SLC44A4: variants seen among roughly 807,000 people sequenced by gnomAD.
SLC44A4 encodes solute carrier family 44 member 4, also known as choline transporter-like protein 4.
Under a neutral mutation model 97.0 loss-of-function variants are expected in SLC44A4, and 74 were observed. That is an observed-to-expected ratio of 0.76 (90% CI 0.63 to 0.93). SLC44A4 has a LOEUF of 0.93. SLC44A4 is among the 40% of genes least tolerant of loss of function. The pLI, the probability that SLC44A4 is intolerant of heterozygous loss-of-function variation, is 0.00. For synonymous variants in SLC44A4, 325 were observed against 363.8 expected (o/e 0.89, Z 1.21); for missense variants, 799 against 902.9 (o/e 0.88, Z 1.48).
rs550779297 is a variant in SLC44A4 at position 31,869,348 on chromosome 6, G to A, written c.1131-91C>T. On this transcript the variant is annotated intron_variant, in intron 12 of 20. Coordinates refer to ENST00000229729, the MANE Select transcript of SLC44A4 (RefSeq NM_025257.3). Reference sequence around the variant, plus strand: ...CTGTTCCTAGGTGCTTGTGCAGATCGTTTGCTGCACAGAGAGGGCTGAAAT... The same window carrying A: ...CTGTTCCTAGGTGCTTGTGCAGATCATTTGCTGCACAGAGAGGGCTGAAAT... The A allele has an allele frequency of 2.8e-5, 30 of 1,080,634 alleles. No individual in the cohort carries two copies. In the Admixed American group the frequency reaches 3.0e-4, roughly 11 times the overall value. The allele number at this position is 1,080,634 out of a possible 1,614,324, so 66.9% of individuals were successfully genotyped here. A position where few individuals can be genotyped will look rare whatever the true frequency, so the allele number is the denominator to read the frequency against.
Position 31,874,617 on chromosome 6 carries a change from C to T in SLC44A4, c.469-97G>A. ...CATGGGGCTCAGCCTGTCCCACACT[C>T]CCCAGGAGAGCCAACCTGGTGATGA... On this transcript the variant is annotated intron_variant, in intron 6 of 20. Coordinates refer to ENST00000229729, the MANE Select transcript of SLC44A4 (RefSeq NM_025257.3). This position sits in a 1 kb window ranked among gnomAD's most constrained non-coding sequence, Gnocchi z 4.8. The T allele has an allele frequency of 6.4e-7, 1 of 1,563,740 alleles. No homozygotes were observed. The highest frequency in any genetic ancestry group is 8.7e-7 in the Non-Finnish European group (1 of 1,154,630).
Position 31,869,559 on chromosome 6 carries a change from C to G in SLC44A4, c.1116G>C (p.Trp372Cys). ...GCAGAGGATACAGAGCAGTCATGGC[C>G]CAGTAGGCAATGCAGATGAGGAGGA... ...FVLLLICIAY[W>C]AMTALYLATS... is the part of the protein sequence containing the mutation. Residue 372 changes from tryptophan to cysteine, a missense_variant, in exon 12 of 21, where the codon TGG becomes TGC. Coordinates refer to ENST00000229729, the MANE Select transcript of SLC44A4 (RefSeq NM_025257.3). The G allele has an allele frequency of 6.2e-7, 1 of 1,604,064 alleles. No individual in the cohort carries two copies. The highest frequency in any genetic ancestry group is 8.5e-7 in the Non-Finnish European group (1 of 1,176,072).
intron 13 of SLC44A4, among the ~76,000 whole-genome samples, chr6:31,867,908 C>T (rs1270578023): frequency 6.6e-6 from 1 of 151,226 alleles, no homozygotes; most frequent in Non-Finnish European, 1.5e-5. Flanking sequence ...ACCTCCGCCT[C>T]CCGAGTTCAA....
Position 31,875,932 on chromosome 6 carries a change from T to G in SLC44A4, c.164-2A>C. ...GCCGGGGGTCTCCATACAACCAGGC[T>G]GCAGACAGAGGCACAGATGAGTCAT... On this transcript the variant is annotated splice_acceptor_variant, in intron 3 of 20. Coordinates refer to ENST00000229729, the MANE Select transcript of SLC44A4 (RefSeq NM_025257.3). LOFTEE classifies it high-confidence loss of function. 1 of 1,613,980 alleles carries G rather than the reference T, an allele frequency of 6.2e-7. No individual in the cohort carries two copies. Among genetic ancestry groups the G allele is most frequent in the Non-Finnish European group, 8.5e-7 (1 of 1,179,976 alleles).
intron 13 of SLC44A4, among the ~76,000 whole-genome samples, chr6:31,867,385 G>C (rs74290525): frequency 1.3e-5 from 2 of 151,734 alleles, no homozygotes. Context: ...GAGCCACTGC[G>C]CGCGGCCTTC....
rs745870866 is a variant in SLC44A4, at chr6:31,865,300, G to A, written c.1760+15C>T. The A allele has an allele frequency of 7.4e-6, 12 of 1,613,948 alleles. No homozygotes were observed. The highest frequency in any genetic ancestry group is 1.0e-5 in the Non-Finnish European group (12 of 1,179,950). ...CAGAGGAGGGAGCCACAAAGCGGGG[G>A]GGGAGCAGCCTAACCTGACAATGTT... is the stretch of plus-strand genomic sequence containing the variant. On this transcript the variant is annotated intron_variant, in intron 17 of 20. Transcript: ENST00000229729. The surrounding 1 kb of genome is among the most constrained non-coding windows in gnomAD (Gnocchi z 5.2).
intron 11 of SLC44A4, among the ~76,000 whole-genome samples, chr6:31,870,284 CG>C (rs1763086470): frequency 6.6e-6 from 1 of 152,098 alleles, no homozygotes; most frequent in South Asian, 2.1e-4. Flanking sequence ...AGTTCCTGAT[CG>C]GGAGCAAGCT....
rs1763537659 is a variant in SLC44A4 at position 31,877,989 on chromosome 6, T to C, written c.41-907A>G. ...GGAGTCCTCACTGCCTGCTCCCCTATGGCCCTAAGGGACTCAAGCCTCTCC... is the reference window on the plus strand; with the variant it reads ...GGAGTCCTCACTGCCTGCTCCCCTACGGCCCTAAGGGACTCAAGCCTCTCC... On this transcript the variant is annotated intron_variant, in intron 1 of 20. Transcript: ENST00000229729. This position sits in a 1 kb window ranked among gnomAD's most constrained non-coding sequence, Gnocchi z 6.5. 1.3e-5 allele frequency: 2 copies of C among 152,148 alleles called. No individual in the cohort carries two copies. The highest frequency in any genetic ancestry group is 1.3e-4 in the Admixed American group (2 of 15,276). 9.4% of individuals were successfully genotyped at this position (152,148 alleles called of 1,614,324 possible). A position where few individuals can be genotyped will look rare whatever the true frequency, so the allele number is the denominator to read the frequency against.
intron 13 of SLC44A4, among the ~76,000 whole-genome samples, chr6:31,866,914 G>T (rs1762901090): frequency 6.6e-6 from 1 of 151,518 alleles, no homozygotes; most frequent in Admixed American, 6.6e-5. Context: ...AAAAATTATA[G>T]GTGAGGATAT....
intron 20 of SLC44A4, 72 bp from the exon 21 acceptor site, chr6:31,863,820 T>C: frequency 6.3e-7 from 1 of 1,594,872 alleles, no homozygotes; most frequent in Non-Finnish European, 8.5e-7. Context: ...GCAAGCTGCC[T>C]GCGGGATTTG....
chr6:31,877,155 C>T lies in SLC44A4; in HGVS notation c.41-73G>A. On this transcript the variant is annotated intron_variant, in intron 1 of 20. Coordinates refer to ENST00000229729, the MANE Select transcript of SLC44A4 (RefSeq NM_025257.3). This position sits in a 1 kb window ranked among gnomAD's most constrained non-coding sequence, Gnocchi z 6.5. ...TCTTGTCCTGCTGAGTCCTCCTAGCCCCAGGATCCTACCCAGGCCTCAGGT... is the reference window on the plus strand; with the variant it reads ...TCTTGTCCTGCTGAGTCCTCCTAGCTCCAGGATCCTACCCAGGCCTCAGGT... 1 of 1,489,880 alleles carries T rather than the reference C, an allele frequency of 6.7e-7. No homozygotes were observed. 92.3% of individuals were successfully genotyped at this position (1,489,880 alleles called of 1,614,324 possible).
chr6:31,868,290 C>T (rs768976554), intron 13 of SLC44A4, among the ~76,000 whole-genome samples: 4 of 152,328 alleles, frequency 2.6e-5, no homozygotes, highest in Non-Finnish European at 5.9e-5. Context: ...TCGGGTCCCC[C>T]GCAGGGAGTC....
intron 20 of SLC44A4, among the ~76,000 whole-genome samples, chr6:31,864,232 G>T (rs1460203095): frequency 6.6e-6 from 1 of 152,052 alleles, no homozygotes; most frequent in African/African-American, 2.4e-5. Context: ...CCGCCACCGC[G>T]CCCAGCTAAT....
chr6:31,867,386 C>T (rs908787681), intron 13 of SLC44A4, among the ~76,000 whole-genome samples: 2 of 151,902 alleles, frequency 1.3e-5, no homozygotes, highest in Admixed American at 6.6e-5. Flanking sequence ...AGCCACTGCG[C>T]GCGGCCTTCT....
At chr6:31,875,790 G>A (rs1763407167) in intron 4 of SLC44A4, 62 bp downstream of exon 4, 4 of 1,444,968 alleles carry the variant, frequency 2.8e-6, no homozygotes, top group Admixed American at 1.9e-5. Flanking sequence ...AGTTGGGGGG[G>A]TGTCTCCTGC....
Position 31,877,440 on chromosome 6 carries a change from G to T in SLC44A4, c.41-358C>A. ...TTAGCTGGGATGTGGGACTCCCAGT[G>T]GCTCTCACTCCCTCATTCTCATCCC... On this transcript the variant is annotated intron_variant, in intron 1 of 20. Coordinates refer to ENST00000229729, the MANE Select transcript of SLC44A4 (RefSeq NM_025257.3). The surrounding 1 kb of genome is among the most constrained non-coding windows in gnomAD (Gnocchi z 6.5). The T allele has an allele frequency of 2.8e-6, 1 of 363,522 alleles. No homozygotes were observed. Among genetic ancestry groups the T allele is most frequent in the Non-Finnish European group, 4.6e-6 (1 of 216,566 alleles). The allele number at this position is 363,522 out of a possible 1,614,324, so 22.5% of individuals were successfully genotyped here. A position where few individuals can be genotyped will look rare whatever the true frequency, so the allele number is the denominator to read the frequency against.
chr6:31,870,778 C>A lies in SLC44A4; in HGVS notation c.937+34G>T, dbSNP rs777354395. On this transcript the variant is annotated intron_variant, in intron 10 of 20. Coordinates refer to ENST00000229729, the MANE Select transcript of SLC44A4 (RefSeq NM_025257.3). ...GGCATGGCCCAGGGCGGTCCTTGGG[C>A]AGCTGGTGGCTTGGGGGTGGGCAGG... 15 of 1,612,294 alleles carry A rather than the reference C, an allele frequency of 9.3e-6. No individual in the cohort carries two copies. The South Asian group carries it at 1.5e-4, about 17-fold the overall frequency.
Position 31,874,666 on chromosome 6 carries a change from C to T in SLC44A4, c.468+55G>A, listed in dbSNP as rs983216766. Reference sequence around the variant, plus strand: ...GATCTACCCAACTCCCCCTCCCTCTCGTGCCCACCCTGGCCCTTCTGGGCG... The same window carrying T: ...GATCTACCCAACTCCCCCTCCCTCTTGTGCCCACCCTGGCCCTTCTGGGCG... On this transcript the variant is annotated intron_variant, in intron 6 of 20. Transcript: ENST00000229729. The surrounding 1 kb of genome is among the most constrained non-coding windows in gnomAD (Gnocchi z 4.8). 26 of 1,568,460 alleles carry T rather than the reference C, an allele frequency of 1.7e-5. No individual in the cohort carries two copies. The highest frequency in any genetic ancestry group is 3.7e-5 in the Admixed American group (2 of 54,634).
At position 31,863,554 on chromosome 6, in the gene SLC44A4, C is replaced by A; in HGVS notation, c.*73G>T. ...ACCTTTTTTTACCACAAAATGGAGA[C>A]CTGTAAGGCGAAGTGAGGTTGGATG... On this transcript the variant is annotated 3_prime_UTR_variant, in exon 21 of 21. Transcript: ENST00000229729. 1 of 1,550,668 alleles carries A rather than the reference C, an allele frequency of 6.4e-7. No homozygotes were observed. Among genetic ancestry groups the A allele is most frequent in the East Asian group, 2.4e-5 (1 of 42,542 alleles).
Sources: gnomAD v4.1 joint callset for allele counts (sites outside exome capture counted in the v4.1 genomes callset) on GRCh38, gnomAD v4.1.1 for gene constraint, Gnocchi (gnomAD v3.1) non-coding constraint, MANE v1.5 for transcripts, NCBI Gene and HGNC (gene_info 2026-07-23, HGNC 2026-07-21) for gene names.